PDHX: variants seen among roughly 807,000 people sequenced by gnomAD.
The protein encoded by PDHX is pyruvate dehydrogenase complex component X, also known as pyruvate dehydrogenase protein X component, mitochondrial.
Under a neutral mutation model 55.3 loss-of-function variants are expected in PDHX, and 33 were observed. That is an observed-to-expected ratio of 0.60 (90% confidence interval 0.45 to 0.80). The LOEUF (loss-of-function observed/expected upper bound fraction) is 0.80, where lower values mean the gene tolerates loss of function less well. Among genes scored for constraint, PDHX ranks in the 30% least tolerant of loss-of-function variants. The pLI is 0.00. For missense variants in PDHX, 622 were observed against 619.9 expected (o/e 1.00, Z -0.04); for synonymous variants, 226 against 219.4 (o/e 1.03, Z -0.27).
At chr11:34,974,737 A>G (rs985099000) in intron 7 of PDHX, among the ~76,000 whole-genome samples, 1 of 152,100 alleles carries the variant, frequency 6.6e-6, no homozygotes, top group African/African-American at 2.4e-5. Context: ...ACGAGACCCT[A>G]TCTCTACAAA....
At chr11:34,928,317 T>A (rs1238816127) in intron 1 of PDHX, among the ~76,000 whole-genome samples, 11 of 152,058 alleles carry the variant, frequency 7.2e-5, no homozygotes, top group Non-Finnish European at 1.6e-4. Context: ...ATTTATGAAA[T>A]ATTCTGTTCA....
chr11:34,948,048 A>C (rs1430395915), intron 3 of PDHX, among the ~76,000 whole-genome samples: 1 of 152,182 alleles, frequency 6.6e-6, no homozygotes, highest in East Asian at 1.9e-4. Flanking sequence ...TATATCTAAA[A>C]AGTTCTGCCA....
rs1855438789 is a variant in PDHX at position 34,978,783 on chromosome 11, C to A, written c.1023+601C>A. On this transcript the variant is annotated intron_variant, in intron 8 of 10. Coordinates refer to ENST00000227868, the MANE Select transcript of PDHX (RefSeq NM_003477.3). The stretch of plus-strand genomic sequence containing the variant: ...GAGGTGGGAGATAAGATTTAAATAA[C>A]AGTGGGAGAGCATGAAGGGGAACCC... Among the ~76,000 whole-genome samples the A allele has an allele frequency of 1.3e-5, 2 of 152,082 alleles. 1 individual carries two copies. The highest frequency in any genetic ancestry group is 4.1e-4 in the South Asian group (2 of 4,822).
intron 7 of PDHX, among the ~76,000 whole-genome samples, chr11:34,973,509 T>C (rs940225201): frequency 1.3e-5 from 2 of 152,182 alleles, no homozygotes; most frequent in Non-Finnish European, 2.9e-5. Context: ...TGGTTACTTA[T>C]TTTGTTATCA....
chr11:34,955,549 G>T (rs534298489), intron 3 of PDHX, among the ~76,000 whole-genome samples: 7 of 152,104 alleles, frequency 4.6e-5, no homozygotes, highest in African/African-American at 1.4e-4. Context: ...ATGCTTCATG[G>T]TGTCACTTTT....
chr11:34,921,159 A>G (rs990411303), intron 1 of PDHX, among the ~76,000 whole-genome samples: 7 of 152,228 alleles, frequency 4.6e-5, no homozygotes, highest in Admixed American at 2.0e-4. Flanking sequence ...GGATTTATTA[A>G]AAGGATAGAA....
At chr11:34,990,038 C>A (rs1279818199) in intron 9 of PDHX, among the ~76,000 whole-genome samples, 8 of 152,178 alleles carry the variant, frequency 5.3e-5, no homozygotes, top group Non-Finnish European at 1.2e-4. Flanking sequence ...TACTTCTTGA[C>A]CCTCTGTAAT....
At chr11:34,935,942 T>C (rs757034692) in intron 2 of PDHX, among the ~76,000 whole-genome samples, 12 of 152,190 alleles carry the variant, frequency 7.9e-5, no homozygotes, top group Non-Finnish European at 1.5e-4. Context: ...AGTCTAGTGC[T>C]TGTAAAATAG....
At chr11:34,953,816 A>C (rs1854840413) in intron 3 of PDHX, among the ~76,000 whole-genome samples, 1 of 152,170 alleles carries the variant, frequency 6.6e-6, no homozygotes, top group Non-Finnish European at 1.5e-5. Flanking sequence ...CTCATCTATA[A>C]ATGGGAATAA....
At chr11:34,993,230 G>C (rs1855791929) in intron 10 of PDHX, among the ~76,000 whole-genome samples, 1 of 151,512 alleles carries the variant, frequency 6.6e-6, no homozygotes, top group Admixed American at 6.6e-5. Flanking sequence ...GTTTCAAATA[G>C]CTTTCACACT....
chr11:34,974,608 G>A (rs1855327036), intron 7 of PDHX, among the ~76,000 whole-genome samples: 1 of 152,064 alleles, frequency 6.6e-6, no homozygotes, highest in South Asian at 2.1e-4. Flanking sequence ...CTTAGTGGCT[G>A]TGCCATTTTG....
Position 34,932,358 on chromosome 11 carries a change from A to G in PDHX, c.241+874A>G, listed in dbSNP as rs116916458. 8.8e-3 allele frequency among the ~76,000 whole-genome samples: 1,347 copies of G among 152,286 alleles called. 79 individuals are homozygous for G. Among genetic ancestry groups the G allele is most frequent in the Admixed American group, 0.079 (1,215 of 15,294 alleles). ...TTGGACAAGAGTATTTGCGATTTCT[A>G]TCACAAAGGGTTAATATCCCTAAAA... On this transcript the variant is annotated intron_variant, in intron 2 of 10. Transcript: ENST00000227868.
At chr11:34,937,185 A>C (rs529329690) in intron 2 of PDHX, among the ~76,000 whole-genome samples, 2 of 152,302 alleles carry the variant, frequency 1.3e-5, no homozygotes, top group South Asian at 4.1e-4. Context: ...ACTGTAGGCA[A>C]TTTAAAGTAG....
intron 2 of PDHX, among the ~76,000 whole-genome samples, chr11:34,935,772 G>C (rs1186992019): frequency 6.6e-6 from 1 of 152,188 alleles, no homozygotes; most frequent in Non-Finnish European, 1.5e-5. Flanking sequence ...GTGTTAAAAA[G>C]GGAAAGAAAG....
intron 5 of PDHX, among the ~76,000 whole-genome samples, chr11:34,965,680 A>G (rs1590756165): frequency 6.6e-6 from 1 of 152,160 alleles, no homozygotes; most frequent in Admixed American, 6.5e-5. Flanking sequence ...TCTTCCTACC[A>G]TGTTGCCATA....
In PDHX at chr11:34,932,401, A is replaced by C. The variant is rs185555121; in HGVS notation, c.241+917A>C. 2.6e-5 allele frequency among the ~76,000 whole-genome samples: 4 copies of C among 152,326 alleles called. No homozygotes were observed. The East Asian group carries it at 7.7e-4, about 29-fold the overall frequency. On this transcript the variant is annotated intron_variant, in intron 2 of 10. Coordinates refer to ENST00000227868, the MANE Select transcript of PDHX (RefSeq NM_003477.3). The stretch of plus-strand genomic sequence containing the variant: ...CCCTAAAAAATCGATAAGACTGTCA[A>C]CTCAACAAGAAAGTGGGCGATACAT...
At chr11:34,983,583 A>G (rs913609734) in intron 8 of PDHX, among the ~76,000 whole-genome samples, 4 of 151,264 alleles carry the variant, frequency 2.6e-5, no homozygotes, top group African/African-American at 9.9e-5. Flanking sequence ...AAGTCTCAGA[A>G]TACACAATCA....
At chr11:34,965,873 C>T (rs898417256) in intron 5 of PDHX, among the ~76,000 whole-genome samples, 6 of 151,776 alleles carry the variant, frequency 4.0e-5, no homozygotes, top group Non-Finnish European at 7.4e-5. Flanking sequence ...AAATACTTTC[C>T]AAAATACTTA....
At chr11:34,944,372 G>A (rs1278373645) in intron 2 of PDHX, among the ~76,000 whole-genome samples, 2 of 152,032 alleles carry the variant, frequency 1.3e-5, no homozygotes, top group Admixed American at 6.5e-5. Flanking sequence ...CACCCACCTC[G>A]GCCTCCCAAA....
Sources: allele counts gnomAD v4.1 joint callset (sites outside exome capture counted in the v4.1 genomes callset), GRCh38; gene constraint gnomAD v4.1.1; transcripts MANE v1.5; gene names NCBI Gene and HGNC (gene_info 2026-07-23, HGNC 2026-07-21).